RBKS: variants seen among roughly 807,000 people sequenced by gnomAD.
RBKS encodes ribokinase.
In RBKS, 33 loss-of-function variants were observed where a neutral mutation model predicts 33.9. That is an observed-to-expected ratio of 0.97 (90% CI 0.74 to 1.30). The LOEUF is 1.30. Among genes scored for constraint, RBKS ranks in the 50% most tolerant of loss-of-function variants. The probability of loss-of-function intolerance (pLI) is 0.00; values close to 1 mark genes in which losing one functional copy is unlikely to be tolerated. For synonymous variants in RBKS, 125 were observed against 143.0 expected, an observed-to-expected ratio of 0.87 and a Z score of 0.90; for missense variants, 361 against 392.6, an observed-to-expected ratio of 0.92 and a Z score of 0.68.
intron 1 of RBKS, chr2:27,861,296 C>T (rs1361181516): frequency 6.7e-5 from 23 of 344,632 alleles, no homozygotes; most frequent in Non-Finnish European, 1.2e-4. Context: ...GTGTCTCCCC[C>T]GTATAGCATC....
chr2:27,826,657 C>T (rs1678319388), intron 7 of RBKS, among the ~76,000 whole-genome samples: 1 of 152,208 alleles, frequency 6.6e-6, no homozygotes, highest in South Asian at 2.1e-4. Flanking sequence ...CCGCCCACCT[C>T]AGCCTCCCAA....
chr2:27,861,666 G>GGGT lies in RBKS; in HGVS notation c.90-3096_90-3095insACC. On this transcript the variant is annotated intron_variant, in intron 1 of 7. Coordinates refer to ENST00000302188, the MANE Select transcript of RBKS (RefSeq NM_022128.3). ...ATTAGTATGTTCCATTTCTTTTTGG[G>GGGT]GGGGGGGTGGAGTCTCACTTTGTCT... 1.2e-5 allele frequency: 5 copies of GGGT among 431,822 alleles called. 1 individual carries two copies. Among genetic ancestry groups the GGGT allele is most frequent in the Admixed American group, 5.1e-5 (2 of 39,430 alleles). The allele number at this position is 431,822 out of a possible 1,614,324, so 26.7% of individuals were successfully genotyped here. A position where few individuals can be genotyped will look rare whatever the true frequency, so the allele number is the denominator to read the frequency against.
At chr2:27,816,862 G>C (rs1262137981) in intron 7 of RBKS, among the ~76,000 whole-genome samples, 1 of 152,228 alleles carries the variant, frequency 6.6e-6, no homozygotes, top group Admixed American at 6.5e-5. Flanking sequence ...CTCCCAAAGT[G>C]CTGGGATAAC....
chr2:27,813,673 A>C lies in RBKS; in HGVS notation c.795+13894T>G, dbSNP rs116259477. On this transcript the variant is annotated intron_variant, in intron 7 of 7. Coordinates refer to ENST00000302188, the MANE Select transcript of RBKS (RefSeq NM_022128.3). ...TAGATCTATATCTATATATCTATAT[A>C]TATATATGTATGGAGAGAGAGAGAG... Among the ~76,000 whole-genome samples, 1,315 of 152,154 alleles carry C rather than the reference A, an allele frequency of 8.6e-3. 15 individuals are homozygous for C. The highest frequency in any genetic ancestry group is 0.031 in the African/African-American group (1,268 of 41,546).
Position 27,795,526 on chromosome 2 carries a change from C to T in RBKS, c.796-13738G>A, listed in dbSNP as rs1297630858. Among the ~76,000 whole-genome samples, 2 of 152,042 alleles carry T rather than the reference C, an allele frequency of 1.3e-5. No homozygotes were observed. Among genetic ancestry groups the T allele is most frequent in the East Asian group, 1.9e-4 (1 of 5,196 alleles). On this transcript the variant is annotated intron_variant, in intron 7 of 7. Coordinates refer to ENST00000302188, the MANE Select transcript of RBKS (RefSeq NM_022128.3). The surrounding 1 kb of genome is among the most constrained non-coding windows in gnomAD (Gnocchi z 4.1). ...GCTCCTCATCAAGAGGCAGCAAAGC[C>T]GGGTATTTATATACACACACACACA...
chr2:27,875,997 A>T (rs919275738), intron 1 of RBKS, among the ~76,000 whole-genome samples: 2 of 152,256 alleles, frequency 1.3e-5, no homozygotes, highest in Non-Finnish European at 2.9e-5. Flanking sequence ...GGTGAGTAAG[A>T]TGCAGAATAG....
intron 7 of RBKS, among the ~76,000 whole-genome samples, chr2:27,811,143 C>T (rs558844883): frequency 6.6e-6 from 1 of 152,318 alleles, no homozygotes; most frequent in African/African-American, 2.4e-5. Flanking sequence ...ACCAAGCTGC[C>T]TCTGCCTTAT....
Position 27,832,842 on chromosome 2 carries a change from A to G in RBKS, c.515-65T>C, listed in dbSNP as rs1678448022. 12 of 1,030,762 alleles carry G rather than the reference A, an allele frequency of 1.2e-5. No homozygotes were observed. In the East Asian group the frequency reaches 2.6e-4, roughly 23 times the overall value. 63.9% of individuals were successfully genotyped at this position (1,030,762 alleles called of 1,614,324 possible). ...TTTTTAACATGGTGCATTTACAGACAACATTCAGTAGGGAAAATCCCCGAG... is the reference window on the plus strand; with the variant it reads ...TTTTTAACATGGTGCATTTACAGACGACATTCAGTAGGGAAAATCCCCGAG... On this transcript the variant is annotated intron_variant, in intron 5 of 7. Transcript: ENST00000302188.
At chr2:27,875,548 G>C (rs1664296593) in intron 1 of RBKS, among the ~76,000 whole-genome samples, 1 of 152,088 alleles carries the variant, frequency 6.6e-6, no homozygotes, top group Non-Finnish European at 1.5e-5. Context: ...ACTAGACCTT[G>C]ACTCAAAATA....
intron 6 of RBKS, among the ~76,000 whole-genome samples, chr2:27,832,163 T>C (rs888826516): frequency 1.3e-5 from 2 of 152,170 alleles, no homozygotes; most frequent in African/African-American, 4.8e-5. Context: ...TGACACAGGG[T>C]CTTCACTACA....
intron 7 of RBKS, among the ~76,000 whole-genome samples, chr2:27,790,119 G>T (rs1293705452): frequency 1.3e-5 from 2 of 151,706 alleles, no homozygotes; most frequent in Non-Finnish European, 2.9e-5. Flanking sequence ...TGTGATTACA[G>T]GGATGACACT....
intron 4 of RBKS, 108 bp from the exon 5 acceptor site, chr2:27,843,339 G>T: frequency 1.3e-6 from 1 of 775,318 alleles, no homozygotes; most frequent in Non-Finnish European, 1.9e-6. Context: ...TACAAAATGT[G>T]TTATTAAGTA....
chr2:27,864,841 G>T (rs545105314), intron 1 of RBKS, among the ~76,000 whole-genome samples: 1 of 152,154 alleles, frequency 6.6e-6, no homozygotes, highest in Non-Finnish European at 1.5e-5. Flanking sequence ...CCTCTGGGGT[G>T]GGGGAAGAAG....
At position 27,783,979 on chromosome 2, in the gene RBKS, T is replaced by C. The variant is rs1192054517; in HGVS notation, c.796-2191A>G. 9.4e-5 allele frequency among the ~76,000 whole-genome samples: 7 copies of C among 74,342 alleles called. No individual in the cohort carries two copies. The East Asian group carries it at 1.1e-3, about 12-fold the overall frequency. The allele number at this position is 74,342 out of a possible 152,430, so 48.8% of individuals were successfully genotyped here. On this transcript the variant is annotated intron_variant, in intron 7 of 7. Transcript: ENST00000302188. ...AACAGCTCTCAGGGTCATTTTCTTT[T>C]TTTTTTTTTTTTTTTTTTTTTTGAG...
intron 7 of RBKS, among the ~76,000 whole-genome samples, chr2:27,784,031 T>C (rs1677346340): frequency 2.3e-5 from 2 of 86,862 alleles, no homozygotes. Flanking sequence ...TCGCCCAGGC[T>C]GGAGTGCAGT....
chr2:27,843,494 T>C (rs1663557826), intron 4 of RBKS, among the ~76,000 whole-genome samples: 1 of 152,188 alleles, frequency 6.6e-6, no homozygotes, highest in South Asian at 2.1e-4. Context: ...ATATAAAGAA[T>C]ATTAGTTGAG....
chr2:27,824,346 A>C (rs538457066), intron 7 of RBKS, among the ~76,000 whole-genome samples: 18 of 152,272 alleles, frequency 1.2e-4, no homozygotes, highest in Admixed American at 7.2e-4. Flanking sequence ...CATTACTCTA[A>C]AGTAAAACTC....
At chr2:27,800,603 T>C (rs982505995) in intron 7 of RBKS, among the ~76,000 whole-genome samples, 1 of 152,046 alleles carries the variant, frequency 6.6e-6, no homozygotes, top group African/African-American at 2.4e-5. Flanking sequence ...GTTGCTCAAG[T>C]TTTTGGCAGA....
At chr2:27,878,382 A>G (rs1276020526) in intron 1 of RBKS, among the ~76,000 whole-genome samples, 1 of 150,668 alleles carries the variant, frequency 6.6e-6, no homozygotes, top group Non-Finnish European at 1.5e-5. Context: ...ATGGCTGCAT[A>G]GTATTCCATG....
Sources: allele counts gnomAD v4.1 joint callset (sites outside exome capture counted in the v4.1 genomes callset), GRCh38; gene constraint gnomAD v4.1.1; non-coding constraint Gnocchi (gnomAD v3.1); transcripts MANE v1.5; gene names NCBI Gene and HGNC (gene_info 2026-07-23, HGNC 2026-07-21).